Variants in LRRC4C observed in about 807,000 individuals in gnomAD.
LRRC4C encodes leucine-rich repeat-containing protein 4C.
A neutral mutation model predicts 33.6 loss-of-function variants in LRRC4C; 5 were observed. The ratio of observed to expected loss-of-function variants is 0.15; its 90% CI spans 0.08 to 0.31. LRRC4C has a LOEUF of 0.31. LRRC4C is among the 10% of genes least tolerant of loss of function. LRRC4C has a pLI of 1.00. For missense variants in LRRC4C, 560 were observed against 796.7 expected, an observed-to-expected ratio of 0.70 and a Z score of 3.58; for synonymous variants, 329 against 302.0, an observed-to-expected ratio of 1.09 and a Z score of -0.93.
chr11:40,265,915 A>G (rs1942220140), intron 4 of LRRC4C, among the ~76,000 whole-genome samples: 1 of 152,242 alleles, frequency 6.6e-6, no homozygotes, highest in Non-Finnish European at 1.5e-5. Flanking sequence ...TTAAACAGAT[A>G]TAGACAGTCC....
intron 1 of LRRC4C, among the ~76,000 whole-genome samples, chr11:41,149,510 CAAAAAAAAAAAAAAA>C (rs57914595): frequency 7.2e-5 from 4 of 55,524 alleles, no homozygotes; most frequent in Non-Finnish European, 1.1e-4. Flanking sequence ...ACTCCGTCTC[CAAAAAAAAAAAAAAA>C]AAAAAAAAGA....
chr11:40,935,135 T>A (rs1174233994), intron 1 of LRRC4C, among the ~76,000 whole-genome samples: 1 of 152,198 alleles, frequency 6.6e-6, no homozygotes, highest in Non-Finnish European at 1.5e-5. Context: ...CATTAGTTTT[T>A]TTCACTGCTG....
intron 3 of LRRC4C, among the ~76,000 whole-genome samples, chr11:40,479,573 A>G (rs973395009): frequency 1.3e-5 from 2 of 152,154 alleles, no homozygotes; most frequent in Admixed American, 1.3e-4. Flanking sequence ...TCCATGATAA[A>G]ATGAAGGGAG....
intron 1 of LRRC4C, among the ~76,000 whole-genome samples, chr11:41,051,636 G>A (rs1858237584): frequency 1.4e-5 from 2 of 142,434 alleles, no homozygotes; most frequent in African/African-American, 5.2e-5. Flanking sequence ...CCATTCTCAT[G>A]TTCTTTCTTT....
chr11:41,399,647 G>A (rs376190572), intron 1 of LRRC4C, among the ~76,000 whole-genome samples: 3 of 151,926 alleles, frequency 2.0e-5, no homozygotes, highest in African/African-American at 7.2e-5. Flanking sequence ...TTGTTTATTG[G>A]GCCACAAGAA....
At chr11:40,580,664 A>C (rs1958428586) in intron 3 of LRRC4C, among the ~76,000 whole-genome samples, 1 of 152,222 alleles carries the variant, frequency 6.6e-6, no homozygotes, top group Admixed American at 6.5e-5. Context: ...GCAGATGTAG[A>C]TTCCCTATTA....
intron 1 of LRRC4C, among the ~76,000 whole-genome samples, chr11:41,037,735 A>T (rs148512483): frequency 6.6e-6 from 1 of 152,318 alleles, no homozygotes; most frequent in African/African-American, 2.4e-5. Flanking sequence ...CACATATAGT[A>T]GGTGAGTGGA....
intron 1 of LRRC4C, among the ~76,000 whole-genome samples, chr11:41,390,115 G>A (rs1953531518): frequency 6.6e-6 from 1 of 151,876 alleles, no homozygotes; most frequent in Admixed American, 6.6e-5. Context: ...CATTGTTGAA[G>A]TTAATTATTT....
intron 5 of LRRC4C, among the ~76,000 whole-genome samples, chr11:40,187,448 C>T (rs1861494818): frequency 6.6e-6 from 1 of 151,650 alleles, no homozygotes; most frequent in African/African-American, 2.4e-5. Flanking sequence ...AGGCCTGTTG[C>T]AATTCCTTAT....
intron 3 of LRRC4C, among the ~76,000 whole-genome samples, chr11:40,618,381 A>C (rs75586848): frequency 0.02 from 3,061 of 151,736 alleles, 49 homozygotes; most frequent in South Asian, 0.037. Context: ...GGCATGGGAC[A>C]TATTTTCTCT....
intron 3 of LRRC4C, among the ~76,000 whole-genome samples, chr11:40,336,871 G>A (rs1388728596): frequency 6.6e-6 from 1 of 151,190 alleles, no homozygotes; most frequent in East Asian, 2.0e-4. Context: ...CAGCTACTCG[G>A]GAGGCTGAGG....
At chr11:40,741,990 A>G (rs1443241439) in intron 2 of LRRC4C, among the ~76,000 whole-genome samples, 1 of 152,076 alleles carries the variant, frequency 6.6e-6, no homozygotes, top group Non-Finnish European at 1.5e-5. Context: ...ACTCCTAGCT[A>G]GAATCACCAT....
chr11:41,042,280 C>T (rs1048207878), intron 1 of LRRC4C, among the ~76,000 whole-genome samples: 3 of 152,178 alleles, frequency 2.0e-5, no homozygotes, highest in Admixed American at 1.3e-4. Context: ...AGACTAGAAA[C>T]CAGGTGTGGC....
At chr11:40,403,994 C>T (rs968393238) in intron 3 of LRRC4C, among the ~76,000 whole-genome samples, 3 of 152,142 alleles carry the variant, frequency 2.0e-5, no homozygotes, top group Non-Finnish European at 4.4e-5. Context: ...TTCATGGCTC[C>T]CTCCTGCACT....
chr11:40,565,594 A>G (rs1397111760), intron 3 of LRRC4C, among the ~76,000 whole-genome samples: 1 of 152,040 alleles, frequency 6.6e-6, no homozygotes, highest in African/African-American at 2.4e-5. Context: ...CCTTCCTTCC[A>G]TTACAATTTT....
At chr11:40,428,249 C>T (rs899284264) in intron 3 of LRRC4C, among the ~76,000 whole-genome samples, 6 of 152,032 alleles carry the variant, frequency 3.9e-5, no homozygotes, top group Non-Finnish European at 7.4e-5. Context: ...ATTCCCTAAG[C>T]GGCTACACAG....
intron 4 of LRRC4C, among the ~76,000 whole-genome samples, chr11:40,269,036 CT>C (rs1409716424): frequency 3.9e-5 from 6 of 152,166 alleles, no homozygotes. Flanking sequence ...CTTAAAGCCT[CT>C]GTGTTTTAGA....
intron 1 of LRRC4C, among the ~76,000 whole-genome samples, chr11:41,249,329 C>T (rs1305144136): frequency 1.3e-5 from 2 of 152,088 alleles, no homozygotes; most frequent in Non-Finnish European, 2.9e-5. Flanking sequence ...CCACCGCGCC[C>T]GGCCAAGATA....
chr11:41,101,373 T>C (rs920982003), intron 1 of LRRC4C, among the ~76,000 whole-genome samples: 23 of 152,078 alleles, frequency 1.5e-4, no homozygotes, highest in Admixed American at 9.2e-4. Flanking sequence ...GAGATATACA[T>C]GTGGGCAACA....
Sources: allele counts gnomAD v4.1 joint callset (sites outside exome capture counted in the v4.1 genomes callset), GRCh38; gene constraint gnomAD v4.1.1; transcripts MANE v1.5; gene names NCBI Gene and HGNC (gene_info 2026-07-23, HGNC 2026-07-21).